PLEKHA6: variants seen among roughly 807,000 people sequenced by gnomAD.
PLEKHA6 encodes pleckstrin homology domain-containing family A member 6.
In PLEKHA6, 60 loss-of-function variants were observed where a neutral mutation model predicts 116.7. The observed-to-expected ratio is 0.51, with a 90% CI of 0.42 to 0.64. The LOEUF (loss-of-function observed/expected upper bound fraction) is 0.64. Among genes scored for constraint, PLEKHA6 ranks in the 30% least tolerant of loss-of-function variants. PLEKHA6 has a pLI of 0.00. For missense variants in PLEKHA6, 1,338 were observed against 1,422.7 expected, an observed-to-expected ratio of 0.94 and a Z score of 0.96; for synonymous variants, 489 against 556.1, an observed-to-expected ratio of 0.88 and a Z score of 1.70.
intron 17 of PLEKHA6, among the ~76,000 whole-genome samples, chr1:204,240,192 C>T (rs1662606153): frequency 6.6e-6 from 1 of 152,170 alleles, no homozygotes; most frequent in Non-Finnish European, 1.5e-5. Flanking sequence ...TAGGGCATCT[C>T]TTAGTATTAA....
intron 1 of PLEKHA6, among the ~76,000 whole-genome samples, chr1:204,286,312 C>T (rs188513760): frequency 6.6e-6 from 1 of 152,224 alleles, no homozygotes; most frequent in East Asian, 1.9e-4. Context: ...GGCAGGGAGG[C>T]AGTCAGACAA....
At chr1:204,374,861 A>G (rs1171483333) in intron 1 of PLEKHA6, among the ~76,000 whole-genome samples, 2 of 152,004 alleles carry the variant, frequency 1.3e-5, no homozygotes, top group African/African-American at 4.8e-5. Flanking sequence ...ATCCACTGCA[A>G]CCTGGTTTCT....
chr1:204,285,538 C>T (rs1316450097), intron 1 of PLEKHA6, among the ~76,000 whole-genome samples: 4 of 151,362 alleles, frequency 2.6e-5, no homozygotes, highest in Admixed American at 6.6e-5. Context: ...TTCAGTAGTG[C>T]GATTTTGGCT....
chr1:204,373,078 T>TTTTC (rs1411876802), intron 1 of PLEKHA6, among the ~76,000 whole-genome samples: 1 of 148,120 alleles, frequency 6.8e-6, no homozygotes, highest in Admixed American at 6.7e-5. Context: ...TGGCTATATT[T>TTTTC]TTTCTTTCTT....
chr1:204,334,552 A>G (rs957832905), intron 1 of PLEKHA6, among the ~76,000 whole-genome samples: 1 of 152,186 alleles, frequency 6.6e-6, no homozygotes, highest in Non-Finnish European at 1.5e-5. Flanking sequence ...GCTAATTAAT[A>G]TATCTACCAC....
At chr1:204,284,007 C>T (rs962540823) in intron 1 of PLEKHA6, among the ~76,000 whole-genome samples, 1 of 152,146 alleles carries the variant, frequency 6.6e-6, no homozygotes, top group Non-Finnish European at 1.5e-5. Context: ...GGAGGGGGCA[C>T]GTGCTGTTCC....
rs374217760 is a variant in PLEKHA6, at chr1:204,357,884, G to A, written c.-95+1810C>T. ...GAGGTGGGGGCTCTGATGTCAGCCC[G>A]GGAGCCAAGGTGGCTGCCTCCCTCA... On this transcript the variant is annotated intron_variant, in intron 1 of 22. Transcript: ENST00000272203. Among the ~76,000 whole-genome samples, 13 of 152,354 alleles carry A rather than the reference G, an allele frequency of 8.5e-5. No individual in the cohort carries two copies. In the South Asian group the frequency reaches 1.9e-3, roughly 22 times the overall value.
intron 1 of PLEKHA6, chr1:204,347,176 G>T: frequency 8.7e-7 from 1 of 1,146,024 alleles, no homozygotes; most frequent in Non-Finnish European, 1.3e-6. Context: ...CATATACGTG[G>T]CCAAAGGAAC....
chr1:204,331,517 G>C (rs1376915687), intron 1 of PLEKHA6, among the ~76,000 whole-genome samples: 1 of 152,152 alleles, frequency 6.6e-6, no homozygotes, highest in Non-Finnish European at 1.5e-5. Context: ...TGGGAGAGAA[G>C]AGAAGAACAT....
At chr1:204,287,125 G>C (rs1669277173) in intron 1 of PLEKHA6, among the ~76,000 whole-genome samples, 1 of 152,066 alleles carries the variant, frequency 6.6e-6, no homozygotes, top group Admixed American at 6.5e-5. Flanking sequence ...GCATCACTAT[G>C]TCATCGAATC....
chr1:204,287,698 C>T (rs1026394885), intron 1 of PLEKHA6, among the ~76,000 whole-genome samples: 4 of 152,148 alleles, frequency 2.6e-5, no homozygotes, highest in African/African-American at 7.2e-5. Flanking sequence ...ACCTTCCTCC[C>T]GTGGCCCCAT....
chr1:204,263,037 C>G (rs185555214), intron 6 of PLEKHA6, among the ~76,000 whole-genome samples: 1 of 152,316 alleles, frequency 6.6e-6, no homozygotes, highest in Admixed American at 6.5e-5. Flanking sequence ...CAGGGAGCAG[C>G]CTGTGTGTGC....
chr1:204,240,530 T>C (rs1260299490), intron 17 of PLEKHA6, among the ~76,000 whole-genome samples: 1 of 152,254 alleles, frequency 6.6e-6, no homozygotes, highest in Non-Finnish European at 1.5e-5. Context: ...TTTTCCTTTA[T>C]CATATGACAT....
chr1:204,350,442 T>C (rs1673237888), intron 1 of PLEKHA6, among the ~76,000 whole-genome samples: 1 of 152,242 alleles, frequency 6.6e-6, no homozygotes, highest in African/African-American at 2.4e-5. Context: ...GCCATGTCTC[T>C]AATTTGTCAA....
At chr1:204,343,922 C>T (rs1672936769) in intron 1 of PLEKHA6, among the ~76,000 whole-genome samples, 1 of 152,184 alleles carries the variant, frequency 6.6e-6, no homozygotes, top group Non-Finnish European at 1.5e-5. Context: ...CTATAATGAG[C>T]TACATTAAGC....
chr1:204,374,156 G>T (rs1402929312), intron 1 of PLEKHA6, among the ~76,000 whole-genome samples: 1 of 152,046 alleles, frequency 6.6e-6, no homozygotes, highest in African/African-American at 2.4e-5. Flanking sequence ...GCACCATCTT[G>T]CACCCTTGTC....
intron 1 of PLEKHA6, among the ~76,000 whole-genome samples, chr1:204,331,108 G>A (rs1264546570): frequency 6.6e-6 from 1 of 151,238 alleles, no homozygotes; most frequent in Non-Finnish European, 1.5e-5. Flanking sequence ...GCTGAGGCAG[G>A]AGAATCACTT....
chr1:204,358,858 G>A (rs1026939366), intron 1 of PLEKHA6, among the ~76,000 whole-genome samples: 4 of 151,694 alleles, frequency 2.6e-5, no homozygotes, highest in Admixed American at 6.6e-5. Context: ...TTGTCTCAAA[G>A]AGCATTTCCC....
At chr1:204,341,653 G>A (rs1558191497) in intron 1 of PLEKHA6, among the ~76,000 whole-genome samples, 1 of 152,148 alleles carries the variant, frequency 6.6e-6, no homozygotes. Flanking sequence ...AGAAGGCATG[G>A]TTATCAGATT....
Sources: gnomAD v4.1 joint callset for allele counts (sites outside exome capture counted in the v4.1 genomes callset) on GRCh38, gnomAD v4.1.1 for gene constraint, MANE v1.5 for transcripts, NCBI Gene and HGNC (gene_info 2026-07-23, HGNC 2026-07-21) for gene names.